Variants in NUCB2 observed in about 807,000 individuals in gnomAD.
NUCB2 encodes the protein nucleobindin-2.
A neutral mutation model predicts 57.9 loss-of-function variants in NUCB2; 48 were observed. The ratio of observed to expected loss-of-function variants is 0.83; its 90% CI spans 0.66 to 1.05. The LOEUF (loss-of-function observed/expected upper bound fraction) is 1.05, where lower values mean the gene tolerates loss of function less well. NUCB2 is among the 50% of genes least tolerant of loss of function. The pLI is 0.00. For missense variants in NUCB2, 442 were observed against 476.2 expected (o/e 0.93, Z 0.67); for synonymous variants, 139 against 152.1 (o/e 0.91, Z 0.64).
At chr11:17,284,103 T>C (rs214068) in intron 2 of NUCB2, among the ~76,000 whole-genome samples, 94,830 of 152,034 alleles carry the variant, frequency 0.62, 29,791 homozygotes, top group East Asian at 0.82. Context: ...GTGCAACCTC[T>C]GCCTCCTATG....
exon 3 of NUCB2, chr11:17,349,960 G>A (rs1373671355): frequency 1.3e-5 from 2 of 152,180 alleles, no homozygotes; most frequent in Non-Finnish European, 2.9e-5. Flanking sequence ...AACACAGAAA[G>A]TCAGAGTTTT....
chr11:17,283,361 C>T (rs1464174964), intron 2 of NUCB2: 1 of 152,190 alleles, frequency 6.6e-6, no homozygotes, highest in Non-Finnish European at 1.5e-5. Flanking sequence ...TGTCTGCCCT[C>T]TATAAAATTG....
In NUCB2 at chr11:17,331,607, C is replaced by G. The variant is rs569588314; in HGVS notation, c.*188C>G. ...TTAAAGGATTGAAGTTTATCAGAAC[C>G]AGGAAGAAAACAAACTCACTGTCTG... On this transcript the variant is annotated 3_prime_UTR_variant, in exon 14 of 14. Transcript: ENST00000529010. 6 of 403,578 alleles carry G rather than the reference C, an allele frequency of 1.5e-5. No individual in the cohort carries two copies. Among genetic ancestry groups the G allele is most frequent in the Non-Finnish European group, 2.7e-5 (6 of 223,870 alleles). The allele number at this position is 403,578 out of a possible 1,614,324, so 25.0% of individuals were successfully genotyped here.
intron 5 of NUCB2, among the ~76,000 whole-genome samples, chr11:17,309,370 T>C (rs2138864201): frequency 6.6e-6 from 1 of 152,146 alleles, no homozygotes. Context: ...TAAATTGCAT[T>C]CCACTCTAGG....
At chr11:17,299,992 C>T (rs1946431133) in intron 4 of NUCB2, among the ~76,000 whole-genome samples, 1 of 151,836 alleles carries the variant, frequency 6.6e-6, no homozygotes, top group South Asian at 2.1e-4. Context: ...GGATAAAATT[C>T]AGTGTCTTTT....
intron 10 of NUCB2, among the ~76,000 whole-genome samples, chr11:17,313,283 A>T (rs1287991382): frequency 6.6e-6 from 1 of 151,980 alleles, no homozygotes; most frequent in East Asian, 1.9e-4. Flanking sequence ...TAATCCCAGC[A>T]CTTTGGGAGG....
At chr11:17,335,081 A>G (rs933901587), downstream of NUCB2, among the ~76,000 whole-genome samples, 1 of 152,062 alleles carries the variant, frequency 6.6e-6, no homozygotes, top group Non-Finnish European at 1.5e-5. Context: ...AAACCCTACA[A>G]AAACCACTCA....
downstream of NUCB2, among the ~76,000 whole-genome samples, chr11:17,334,885 C>CA (rs375093514): frequency 0.14 from 17,516 of 121,730 alleles, 2,180 homozygotes; most frequent in African/African-American, 0.38. Flanking sequence ...GGCTCTATCT[C>CA]AAAAAAAAAA....
intron 11 of NUCB2, among the ~76,000 whole-genome samples, chr11:17,320,458 T>A (rs1446726394): frequency 6.6e-6 from 1 of 152,002 alleles, no homozygotes; most frequent in African/African-American, 2.4e-5. Context: ...TCACCTGATA[T>A]CAGACCTGGC....
At chr11:17,323,682 A>G (rs1266777194) in intron 11 of NUCB2, among the ~76,000 whole-genome samples, 1 of 152,174 alleles carries the variant, frequency 6.6e-6, no homozygotes, top group African/African-American at 2.4e-5. Flanking sequence ...AGAATTCAGC[A>G]GTGAAGCCAT....
intron 4 of NUCB2, 103 bp downstream of exon 4, chr11:17,296,314 C>T: frequency 1.9e-6 from 1 of 522,262 alleles, no homozygotes. Context: ...AGCTCCTGGG[C>T]TCTAGTGATC....
downstream of NUCB2, chr11:17,332,715 C>T (rs1322168109): frequency 6.6e-6 from 1 of 151,564 alleles, no homozygotes; most frequent in Non-Finnish European, 1.5e-5. Flanking sequence ...GGAAAACTGA[C>T]CTTTTAAATT....
chr11:17,324,440 A>T (rs1306411840), intron 11 of NUCB2, among the ~76,000 whole-genome samples: 1 of 148,236 alleles, frequency 6.7e-6, no homozygotes, highest in East Asian at 2.0e-4. Flanking sequence ...TATTTTTTGA[A>T]TTTTTTTTTT....
intron 1 of NUCB2, among the ~76,000 whole-genome samples, chr11:17,277,253 G>A (rs754475462): frequency 1.2e-4 from 19 of 152,180 alleles, no homozygotes; most frequent in Non-Finnish European, 2.5e-4. Flanking sequence ...GCTCTTCTCC[G>A]GTCTGGTTAA....
chr11:17,291,246 C>T (rs1277173376), intron 2 of NUCB2: 1 of 152,068 alleles, frequency 6.6e-6, no homozygotes, highest in African/African-American at 2.4e-5. Flanking sequence ...ACAGATTTCT[C>T]CTTAAAAATA....
intron 1 of NUCB2, among the ~76,000 whole-genome samples, chr11:17,280,327 A>G (rs961881908): frequency 2.0e-5 from 3 of 152,204 alleles, no homozygotes; most frequent in Non-Finnish European, 4.4e-5. Flanking sequence ...TCTAAGATCT[A>G]TACTAATGTC....
intron 2 of NUCB2, among the ~76,000 whole-genome samples, chr11:17,288,963 A>ATTTTTT (rs1555071216): frequency 0.013 from 909 of 68,086 alleles, 136 homozygotes; most frequent in Middle Eastern, 0.048. Flanking sequence ...ATATATATAT[A>ATTTTTT]TTTTTTTTTT....
At position 17,310,988 on chromosome 11, in the gene NUCB2, A is replaced by G. The variant is rs752937559; in HGVS notation, c.647A>G (p.Asn216Ser). The G allele has an allele frequency of 1.9e-6, 3 of 1,580,116 alleles. No homozygotes were observed. The highest frequency in any genetic ancestry group is 1.2e-5 in the South Asian group (1 of 83,580). The change falls in exon 7 of 14, where the codon AAT (asparagine) becomes AGT (serine). Residue 216 changes from asparagine (N) to serine (S), a missense_variant. Asn to Ser is a conservative substitution (Grantham distance 46, BLOSUM62 1). Coordinates refer to ENST00000529010, the MANE Select transcript of NUCB2 (RefSeq NM_005013.4). The stretch of plus-strand genomic sequence containing the variant: ...GAAGAAATGAAGAAAAAGCATGAAA[A>G]TCACCCTAAAGTTAATCACCCAGTA... ...KFEEMKKKHE[N>S]HPKVNHPGSK...
chr11:17,294,932 G>A (rs528322260), intron 2 of NUCB2, among the ~76,000 whole-genome samples: 1 of 151,844 alleles, frequency 6.6e-6, no homozygotes, highest in East Asian at 1.9e-4. Context: ...CCTGTAATCC[G>A]AGCTGCTTGG....
Sources: allele counts gnomAD v4.1 joint callset (sites outside exome capture counted in the v4.1 genomes callset), GRCh38; gene constraint gnomAD v4.1.1; transcripts MANE v1.5; gene names NCBI Gene and HGNC (gene_info 2026-07-23, HGNC 2026-07-21).